The following PRPF6 variants were observed in gnomAD, a reference collection of about 807,000 sequenced individuals.
The protein encoded by PRPF6 is pre-mRNA-processing factor 6.
A neutral mutation model predicts 118.3 loss-of-function variants in PRPF6; 42 were observed. The observed-to-expected ratio is 0.35, with a 90% CI of 0.28 to 0.46. PRPF6 has a LOEUF of 0.46. Among genes scored for constraint, PRPF6 ranks in the 20% least tolerant of loss-of-function variants. PRPF6 has a pLI of 1.00. For missense variants in PRPF6, 662 were observed against 1,255.7 expected, an observed-to-expected ratio of 0.53 and a Z score of 7.15; for synonymous variants, 481 against 485.1, an observed-to-expected ratio of 0.99 and a Z score of 0.11.
chr20:63,984,114 T>G (rs2059083321), intron 2 of PRPF6, among the ~76,000 whole-genome samples: 1 of 152,204 alleles, frequency 6.6e-6, no homozygotes, highest in African/African-American at 2.4e-5. Context: ...CTGAGGAAAA[T>G]TTTTAAAAAT....
At position 63,995,029 on chromosome 20, in the gene PRPF6, C is replaced by T; in HGVS notation, c.552C>T (p.Asp184=). The change falls in exon 5 of 21, where the codon GAC becomes GAT. Residue 184 remains aspartate (D), a synonymous_variant. Transcript: ENST00000266079. ...PRYEKLTPVP[D]SFFAKHLQTG... ...ATGAGAAGCTGACCCCTGTTCCTGA[C>T]AGTTTCTTTGCCAAACATTTACAGA... 1 of 1,614,186 alleles carries T rather than the reference C, an allele frequency of 6.2e-7. No homozygotes were observed. Among genetic ancestry groups the T allele is most frequent in the South Asian group, 1.1e-5 (1 of 91,084 alleles).
In PRPF6 at chr20:63,984,974, C is replaced by T. The variant is rs1355804544; in HGVS notation, c.308C>T (p.Ala103Val). Residue 103 changes from alanine to valine, a missense_variant, in exon 3 of 21, where the codon GCT (alanine) becomes GTT (valine). By Grantham distance (64) the Ala-to-Val change is moderately conservative (BLOSUM62 0). Coordinates refer to ENST00000266079, the MANE Select transcript of PRPF6 (RefSeq NM_012469.4). ...GAGAAAGATGATGAGGAAGCAGATG[C>T]TATCTATGCAGCCCTGGATAAAAGG... ...PYEKDDEEAD[A>V]IYAALDKRMD... 3 of 1,613,712 alleles carry T rather than the reference C, an allele frequency of 1.9e-6. No individual in the cohort carries two copies. The highest frequency in any genetic ancestry group is 1.1e-5 in the South Asian group (1 of 91,062).
At position 63,981,322 on chromosome 20, in the gene PRPF6, G is replaced by A. The variant is rs45566234; in HGVS notation, c.71+6G>A. 180,394 of 1,579,058 alleles carry A rather than the reference G, an allele frequency of 0.11. 11,484 individuals carry two copies. Among genetic ancestry groups the A allele is most frequent in the South Asian group, 0.23 (19,839 of 87,256 alleles). Reference sequence around the variant, plus strand: ...GTGCCGGGGCTGGGCCGGGGGTGAGGCCTGGGGCGGCGCGCGAGGGGCGGG... The same window carrying A: ...GTGCCGGGGCTGGGCCGGGGGTGAGACCTGGGGCGGCGCGCGAGGGGCGGG... On this transcript the variant is annotated splice_donor_region_variant and intron_variant, in intron 1 of 20. Coordinates refer to ENST00000266079, the MANE Select transcript of PRPF6 (RefSeq NM_012469.4).
intron 12 of PRPF6, among the ~76,000 whole-genome samples, chr20:64,021,888 CTG>C (rs71800785): frequency 6.1e-4 from 68 of 110,770 alleles, no homozygotes; most frequent in South Asian, 3.5e-3. Context: ...AGCCCCGTGT[CTG>C]TGTGTGTGTG....
chr20:64,026,209 T>C lies in PRPF6; in HGVS notation c.2028+151T>C. On this transcript the variant is annotated intron_variant, in intron 15 of 20. Coordinates refer to ENST00000266079, the MANE Select transcript of PRPF6 (RefSeq NM_012469.4). The surrounding 1 kb of genome is among the most constrained non-coding windows in gnomAD (Gnocchi z 4.4). Reference sequence around the variant, plus strand: ...CTTTGTGATGTGACTAAAACATTCATGTGGCCGGGCGTGGTGGCCGGGCGC... The same window carrying C: ...CTTTGTGATGTGACTAAAACATTCACGTGGCCGGGCGTGGTGGCCGGGCGC... 1 of 1,442,312 alleles carries C rather than the reference T, an allele frequency of 6.9e-7. No individual in the cohort carries two copies. 89.3% of individuals were successfully genotyped at this position (1,442,312 alleles called of 1,614,324 possible).
At chr20:64,017,100 G>A (rs1601526833) in intron 12 of PRPF6, among the ~76,000 whole-genome samples, 1 of 152,186 alleles carries the variant, frequency 6.6e-6, no homozygotes, top group Admixed American at 6.5e-5. Context: ...GTGCCACCAC[G>A]CCCAGCTAAT....
chr20:64,014,402 C>G (rs1351919078), intron 11 of PRPF6, among the ~76,000 whole-genome samples: 1 of 152,010 alleles, frequency 6.6e-6, no homozygotes, highest in African/African-American at 2.4e-5. Flanking sequence ...CACCTATAAT[C>G]TCAGCACATT....
At chr20:64,030,144 C>T (rs925372512) in intron 19 of PRPF6, among the ~76,000 whole-genome samples, 3 of 152,242 alleles carry the variant, frequency 2.0e-5, no homozygotes, top group Admixed American at 6.5e-5. Flanking sequence ...GGGCCATCCC[C>T]GACCCCCAGG....
chr20:64,006,703 G>C (rs914930856), intron 9 of PRPF6, among the ~76,000 whole-genome samples: 1 of 152,176 alleles, frequency 6.6e-6, no homozygotes, highest in East Asian at 1.9e-4. Flanking sequence ...TGGCAGCGGA[G>C]ATGGGACTTG....
rs2059119905 is a variant in PRPF6, at chr20:63,991,789, AG to A, written c.360-1617del. Among the ~76,000 whole-genome samples, 9 of 151,806 alleles carry A rather than the reference AG, an allele frequency of 5.9e-5. 1 individual carries two copies. In the South Asian group the frequency reaches 1.9e-3, roughly 32 times the overall value. ...TGGTGACAGAGTGAGACTGTCTCAA[AG>A]AAAAAAAAAAAAGTAGTGTACTTAT... is the stretch of plus-strand genomic sequence containing the variant. On this transcript the variant is annotated intron_variant, in intron 3 of 20. Coordinates refer to ENST00000266079, the MANE Select transcript of PRPF6 (RefSeq NM_012469.4).
chr20:64,001,204 C>G lies in PRPF6; in HGVS notation c.1151C>G (p.Thr384Arg). ...RIYIRAAELETDIRAKKRVLR... is the reference protein window; with the variant it reads ...RIYIRAAELERDIRAKKRVLR... ...TACATCAGAGCCGCAGAGCTGGAAACGGACATTCGTGCAAAGAAGCGGGTT... is the reference window on the plus strand; with the variant it reads ...TACATCAGAGCCGCAGAGCTGGAAAGGGACATTCGTGCAAAGAAGCGGGTT... Residue 384 changes from threonine to arginine, a missense_variant, in exon 9 of 21, where the codon ACG becomes AGG. Thr to Arg is a moderately conservative substitution (Grantham distance 71). Coordinates refer to ENST00000266079, the MANE Select transcript of PRPF6 (RefSeq NM_012469.4). The G allele has an allele frequency of 1.2e-6, 2 of 1,614,246 alleles. No individual in the cohort carries two copies. The highest frequency in any genetic ancestry group is 1.7e-6 in the Non-Finnish European group (2 of 1,180,052).
chr20:64,006,220 C>G (rs564884742), intron 9 of PRPF6, among the ~76,000 whole-genome samples: 1 of 152,216 alleles, frequency 6.6e-6, no homozygotes, highest in South Asian at 2.1e-4. Context: ...CAGGGTTAGC[C>G]TCTCCAGCCA....
Position 64,032,054 on chromosome 20 carries a change from C to T in PRPF6, c.2673+10C>T. 6.2e-7 allele frequency: 1 copy of T among 1,613,846 alleles called. No homozygotes were observed. ...GCAGCATGGCACTGAGGTGAGGCCCCTCGACAGACCGCCGCTCAGTGCCTT... is the reference window on the plus strand; with the variant it reads ...GCAGCATGGCACTGAGGTGAGGCCCTTCGACAGACCGCCGCTCAGTGCCTT... On this transcript the variant is annotated intron_variant, in intron 20 of 20. Transcript: ENST00000266079.
chr20:64,003,353 A>C (rs2059176079), intron 9 of PRPF6, among the ~76,000 whole-genome samples: 1 of 152,200 alleles, frequency 6.6e-6, no homozygotes, highest in Admixed American at 6.5e-5. Context: ...TTTAAGCGAA[A>C]TATCCCATTG....
intron 6 of PRPF6, among the ~76,000 whole-genome samples, chr20:63,997,117 A>C (rs2059143894): frequency 6.6e-6 from 1 of 152,060 alleles, no homozygotes; most frequent in South Asian, 2.1e-4. Context: ...CGTACCTGTT[A>C]AACATTGAGT....
At chr20:64,017,451 C>CCGCGCCCGG in intron 12 of PRPF6, among the ~76,000 whole-genome samples, 1 of 150,520 alleles carries the variant, frequency 6.6e-6, no homozygotes, top group African/African-American at 2.5e-5. Flanking sequence ...GCGTGAGCCG[C>CCGCGCCCGG]CCTGCCCGGC....
At chr20:64,010,921 G>T (rs1165896595) in intron 10 of PRPF6, among the ~76,000 whole-genome samples, 1 of 152,316 alleles carries the variant, frequency 6.6e-6, no homozygotes, top group East Asian at 1.9e-4. Context: ...AAGGGTCTGG[G>T]AACTTCAGGA....
Position 64,011,557 on chromosome 20 carries a change from G to A in PRPF6, c.1524+54G>A, listed in dbSNP as rs941788291. 26 of 1,548,184 alleles carry A rather than the reference G, an allele frequency of 1.7e-5. No homozygotes were observed. The highest frequency in any genetic ancestry group is 7.0e-6 in the Non-Finnish European group (8 of 1,141,350). On this transcript the variant is annotated intron_variant, in intron 11 of 20. Coordinates refer to ENST00000266079, the MANE Select transcript of PRPF6 (RefSeq NM_012469.4). The surrounding 1 kb of genome is among the most constrained non-coding windows in gnomAD (Gnocchi z 6.7). ...TGCTTTAACAGTGCACATGCAGCAC[G>A]TGAGAGTCCCACGCAGGACTGGGGG...
At chr20:63,981,643 TC>T (rs11295538) in intron 1 of PRPF6, among the ~76,000 whole-genome samples, 12,439 of 123,494 alleles carry the variant, frequency 0.1, 247 homozygotes, top group South Asian at 0.2. Flanking sequence ...GGGCTGACAC[TC>T]CCCCCCCCCG....
Sources: gnomAD v4.1 joint callset for allele counts (sites outside exome capture counted in the v4.1 genomes callset) on GRCh38, gnomAD v4.1.1 for gene constraint, Gnocchi (gnomAD v3.1) non-coding constraint, MANE v1.5 for transcripts, NCBI Gene and HGNC (gene_info 2026-07-23, HGNC 2026-07-21) for gene names.